Variants in CCDC171 observed in about 807,000 individuals in gnomAD.
CCDC171 encodes the protein coiled-coil domain containing 171.
Under a neutral mutation model 168.2 loss-of-function variants are expected in CCDC171, and 177 were observed. The observed-to-expected ratio is 1.05, with a 90% CI of 0.93 to 1.19. CCDC171 has a LOEUF of 1.19. Among genes scored for constraint, CCDC171 ranks in the 50% most tolerant of loss-of-function variants. The pLI is 0.00. For missense variants in CCDC171, 1,991 were observed against 1,539.0 expected (o/e 1.29, Z -4.91); for synonymous variants, 687 against 540.8 (o/e 1.27, Z -3.75).
chr9:15,744,533 A>G lies in CCDC171; in HGVS notation c.2310A>G (p.Arg770=), dbSNP rs2055128888. ...TTGAGTTGTTCAAACTGGAAATTAG[A>G]ACTCTAGCCCAGGCTTTGTCAACTG... ...NTFELFKLEI[R]TLAQALSTVE... The change falls in exon 17 of 26, where the codon AGA becomes AGG. Residue 770 remains arginine (R), a synonymous_variant. Transcript: ENST00000380701. 1.2e-6 allele frequency: 2 copies of G among 1,614,222 alleles called. No homozygotes were observed. The highest frequency in any genetic ancestry group is 1.6e-4 in the Middle Eastern group (1 of 6,062).
intron 1 of CCDC171, among the ~76,000 whole-genome samples, chr9:16,048,538 A>G (rs544856969): frequency 6.6e-6 from 1 of 152,166 alleles, no homozygotes; most frequent in Non-Finnish European, 1.5e-5. Context: ...TGTGCCCCTT[A>G]TCTTTTAGAG....
At chr9:15,595,042 G>T (rs1439705184) in intron 6 of CCDC171, among the ~76,000 whole-genome samples, 1 of 152,018 alleles carries the variant, frequency 6.6e-6, no homozygotes, top group Non-Finnish European at 1.5e-5. Flanking sequence ...TTTTTCACAA[G>T]AATGAAAAAT....
At chr9:15,652,942 A>G (rs912687464) in intron 7 of CCDC171, among the ~76,000 whole-genome samples, 1 of 152,154 alleles carries the variant, frequency 6.6e-6, no homozygotes, top group Admixed American at 6.5e-5. Flanking sequence ...TGGGACTGGT[A>G]TTCTGTGGAA....
chr9:15,814,812 C>T (rs2059500278), intron 21 of CCDC171, among the ~76,000 whole-genome samples: 1 of 152,090 alleles, frequency 6.6e-6, no homozygotes, highest in Non-Finnish European at 1.5e-5. Context: ...AATTAATACA[C>T]ATATTTGAGC....
intron 6 of CCDC171, among the ~76,000 whole-genome samples, chr9:15,599,367 T>A (rs1382791873): frequency 6.6e-6 from 1 of 152,142 alleles, no homozygotes; most frequent in Non-Finnish European, 1.5e-5. Context: ...CTCTCAGCAT[T>A]TGCTTGTCTG....
chr9:15,780,616 T>C lies in CCDC171; in HGVS notation c.3081+1466T>C, dbSNP rs951731943. On this transcript the variant is annotated intron_variant, in intron 20 of 25. Transcript: ENST00000380701. ...ACTGTTGAAATGTGGATGCATTTTG[T>C]TCTCCACATTTCGTGTGTATATATG... Among the ~76,000 whole-genome samples, 10 of 152,342 alleles carry C rather than the reference T, an allele frequency of 6.6e-5. No individual in the cohort carries two copies. In the East Asian group the frequency reaches 1.9e-3, roughly 29 times the overall value.
At chr9:16,070,828 G>A in the CCDC171 span, among the ~76,000 whole-genome samples, 9 of 152,194 alleles carry the variant, frequency 5.9e-5, no homozygotes, top group Non-Finnish European at 8.8e-5. Context: ...CACTCATTCC[G>A]TTTTTATGTG....
At chr9:15,822,691 G>T (rs1461246291) in intron 21 of CCDC171, among the ~76,000 whole-genome samples, 1 of 152,188 alleles carries the variant, frequency 6.6e-6, no homozygotes, top group Non-Finnish European at 1.5e-5. Context: ...AACAGCAGGT[G>T]CTGGAGAGGA....
intron 2 of CCDC171, among the ~76,000 whole-genome samples, chr9:15,571,243 A>G (rs73644662): frequency 0.021 from 3,246 of 152,040 alleles, 114 homozygotes; most frequent in African/African-American, 0.073. Context: ...TTAGTCTGAC[A>G]TTTTTCTTTT....
intron 23 of CCDC171, among the ~76,000 whole-genome samples, chr9:15,869,514 T>G (rs532748030): frequency 7.0e-5 from 1 of 14,336 alleles, no homozygotes; most frequent in African/African-American, 1.3e-4. Context: ...AAGCGTAGTG[T>G]TTTTTTTTTG....
chr9:15,638,290 ATTAG>A (rs2046349819), intron 7 of CCDC171, among the ~76,000 whole-genome samples: 1 of 152,150 alleles, frequency 6.6e-6, no homozygotes, highest in South Asian at 2.1e-4. Context: ...TGTGTTGTAT[ATTAG>A]TTAGTATATT....
intron 11 of CCDC171, among the ~76,000 whole-genome samples, chr9:15,701,990 A>G (rs1307754785): frequency 6.6e-6 from 1 of 152,214 alleles, no homozygotes; most frequent in East Asian, 1.9e-4. Context: ...ATTAAATGAT[A>G]AGACTTGAAA....
rs146472943 is a variant in CCDC171 at position 15,729,615 on chromosome 9, G to T, written c.1866G>T (p.Arg622Ser). The T allele has an allele frequency of 3.5e-4, 558 of 1,605,916 alleles. 3 individuals carry two copies. The African/African-American group carries it at 6.4e-3, about 18-fold the overall frequency. ...TGTTGCATCTCCCCGTATAGATAAG[G>T]CATCTAGAGTATATCTGTAAAAACA... Reference protein sequence around the residue: ...ADLNRANEKIRHLEYICKNKS... With the variant: ...ADLNRANEKISHLEYICKNKS... The change falls in exon 16 of 26, where the codon AGG becomes AGT. Residue 622 changes from arginine (R) to serine (S), a missense_variant. By Grantham distance (110) the Arg-to-Ser change is moderately radical. Transcript: ENST00000380701.
intron 6 of CCDC171, among the ~76,000 whole-genome samples, chr9:15,616,283 G>A (rs4741517): frequency 0.46 from 70,505 of 151,756 alleles, 16,886 homozygotes; most frequent in East Asian, 0.75. Flanking sequence ...ATGATGTTTT[G>A]CCATGTTGCC....
chr9:15,951,522 TTTTG>T (rs71304891), intron 25 of CCDC171, among the ~76,000 whole-genome samples: 6 of 151,310 alleles, frequency 4.0e-5, no homozygotes, highest in South Asian at 4.2e-4. Context: ...ATTATCTGTT[TTTTG>T]TTTGTTTGTT....
chr9:16,051,446 A>G (rs1476787611), intron 1 of CCDC171, among the ~76,000 whole-genome samples: 1 of 152,184 alleles, frequency 6.6e-6, no homozygotes, highest in Middle Eastern at 3.4e-3. Context: ...GGCCTGGGTA[A>G]GTTTGCTCTG....
At chr9:16,106,994 G>C in the CCDC171 span, among the ~76,000 whole-genome samples, 1 of 152,096 alleles carries the variant, frequency 6.6e-6, no homozygotes, top group Non-Finnish European at 1.5e-5. Context: ...CACTGTCTTG[G>C]CTCAGTGTTT....
At chr9:15,784,149 A>G (rs1407728948) in intron 20 of CCDC171, among the ~76,000 whole-genome samples, 1 of 152,212 alleles carries the variant, frequency 6.6e-6, no homozygotes, top group Non-Finnish European at 1.5e-5. Context: ...ACAAACTTCT[A>G]GGTGATCACT....
At chr9:15,588,514 G>A (rs1306726355) in intron 4 of CCDC171, 5 of 344,176 alleles carry the variant, frequency 1.5e-5, no homozygotes, top group Admixed American at 1.4e-4. Context: ...GTACCCAAAG[G>A]GAAAAGCTGA....
Sources: allele counts gnomAD v4.1 joint callset (sites outside exome capture counted in the v4.1 genomes callset), GRCh38; gene constraint gnomAD v4.1.1; transcripts MANE v1.5; gene names NCBI Gene and HGNC (gene_info 2026-07-23, HGNC 2026-07-21).